ZNF543: variants seen among roughly 807,000 people sequenced by gnomAD.
ZNF543 encodes zinc finger protein 543.
Under a neutral mutation model 13.4 loss-of-function variants are expected in ZNF543, and 10 were observed. The ratio of observed to expected loss-of-function variants is 0.75; its 90% CI spans 0.46 to 1.26. ZNF543 has a LOEUF of 1.26. Among genes scored for constraint, ZNF543 ranks in the 50% most tolerant of loss-of-function variants. The pLI is 0.00. For synonymous variants in ZNF543, 272 were observed against 264.7 expected, an observed-to-expected ratio of 1.03 and a Z score of -0.27; for missense variants, 768 against 741.2, an observed-to-expected ratio of 1.04 and a Z score of -0.42.
At chr19:57,322,601 A>G (rs944359058) in intron 1 of ZNF543, among the ~76,000 whole-genome samples, 22 of 152,128 alleles carry the variant, frequency 1.4e-4, no homozygotes, top group African/African-American at 5.1e-4. Flanking sequence ...GTCGGGTTGC[A>G]TGATTAGAAC....
In ZNF543 at chr19:57,328,121, T is replaced by C. The variant is rs1231479652; in HGVS notation, c.659T>C (p.Ile220Thr). ...GCCCTCCTTGTTCAGCATGAACGGA[T>C]TCACACTCAAGTGAAGCCCTATGAA... ...KNALLVQHER[I>T]HTQVKPYECT... Residue 220 changes from isoleucine (I) to threonine (T), a missense_variant, in exon 4 of 4, where the codon ATT becomes ACT. This residue lies in a region of ZNF543 where 677 missense variants were observed against 631.4 expected (regional missense o/e 1.07). Coordinates refer to ENST00000321545, the MANE Select transcript of ZNF543 (RefSeq NM_213598.4). 2.5e-6 allele frequency: 4 copies of C among 1,614,216 alleles called. No homozygotes were observed. Among genetic ancestry groups the C allele is most frequent in the Non-Finnish European group, 3.4e-6 (4 of 1,180,026 alleles).
At position 57,328,862 on chromosome 19, in the gene ZNF543, T is replaced by A. The variant is rs766815619; in HGVS notation, c.1400T>A (p.Ile467Asn). The A allele has an allele frequency of 3.1e-6, 5 of 1,613,810 alleles. No homozygotes were observed. The highest frequency in any genetic ancestry group is 4.2e-6 in the Non-Finnish European group (5 of 1,179,966). ...GKAFSDRADL[I>N]RHFSIHTGEK... Reference sequence around the variant, plus strand: ...GCCTTTAGTGATAGGGCAGACCTCATTCGCCACTTCAGCATCCACACTGGA... The same window carrying A: ...GCCTTTAGTGATAGGGCAGACCTCAATCGCCACTTCAGCATCCACACTGGA... Residue 467 changes from isoleucine (I) to asparagine (N), a missense_variant, in exon 4 of 4, where the codon ATT (isoleucine) becomes AAT (asparagine). Transcript: ENST00000321545.
intron 2 of ZNF543, 49 bp from the exon 3 acceptor site, chr19:57,326,584 C>A: frequency 6.8e-7 from 1 of 1,470,476 alleles, no homozygotes; most frequent in Non-Finnish European, 9.5e-7. Flanking sequence ...TGACAGGTTT[C>A]TTTCTTCTAA....
In ZNF543 at chr19:57,329,033, G is replaced by A. The variant is rs377306752; in HGVS notation, c.1571G>A (p.Arg524Gln). ...TTTTGCCGGAGCGCAAACCTTATTCGACACTCCATCATTCACACTGGAGAG... is the reference window on the plus strand; with the variant it reads ...TTTTGCCGGAGCGCAAACCTTATTCAACACTCCATCATTCACACTGGAGAG... Reference protein sequence around the residue: ...KAFCRSANLIRHSIIHTGEKP... With the variant: ...KAFCRSANLIQHSIIHTGEKP... Residue 524 changes from arginine (R) to glutamine (Q), a missense_variant, in exon 4 of 4, where the codon CGA (arginine) becomes CAA (glutamine). Arg to Gln is a conservative substitution (Grantham distance 43, BLOSUM62 1). Transcript: ENST00000321545. The A allele has an allele frequency of 7.4e-6, 12 of 1,613,760 alleles. No individual in the cohort carries two copies. Among genetic ancestry groups the A allele is most frequent in the East Asian group, 2.2e-5 (1 of 44,878 alleles).
At chr19:57,327,132 G>A (rs1412622231) in intron 3 of ZNF543, among the ~76,000 whole-genome samples, 1 of 152,006 alleles carries the variant, frequency 6.6e-6, no homozygotes, top group Admixed American at 6.5e-5. Flanking sequence ...GTTCGAAAAT[G>A]CTGAGCCACC....
In ZNF543 at chr19:57,329,547, C is replaced by G. The variant is rs1380123886; in HGVS notation, c.*282C>G. The G allele has an allele frequency of 1.1e-5, 3 of 269,988 alleles. No homozygotes were observed. The East Asian group carries it at 2.4e-4, about 21-fold the overall frequency. The allele number at this position is 269,988 out of a possible 1,614,324, so 16.7% of individuals were successfully genotyped here. ...TTTTTTTTTGAGACGGAGTCTCGCT[C>G]TGTCGCCCAGGCTGGAGTGCAGTGG... On this transcript the variant is annotated 3_prime_UTR_variant, in exon 4 of 4. Transcript: ENST00000321545.
intron 1 of ZNF543, 180 bp from the exon 2 acceptor site, chr19:57,323,501 GT>G: frequency 1.2e-6 from 1 of 800,808 alleles, no homozygotes. Context: ...CGACACTGCT[GT>G]AATTTATCCA....
At chr19:57,326,599 A>C (rs1191677223) in intron 2 of ZNF543, 34 bp from the exon 3 acceptor site, 2 of 1,553,692 alleles carry the variant, frequency 1.3e-6, no homozygotes, top group East Asian at 2.2e-5. Context: ...TTCTAACCTA[A>C]CTCCCTGTGT....
At position 57,327,794 on chromosome 19, in the gene ZNF543, G is replaced by T. The variant is rs1023980894; in HGVS notation, c.332G>T (p.Gly111Val). Residue 111 changes from glycine (G) to valine (V), a missense_variant, in exon 4 of 4, where the codon GGA becomes GTA. Around this residue, in one of 3 missense-constraint regions of ZNF543, gnomAD observed 677 missense variants for 631.4 expected, o/e 1.07. Transcript: ENST00000321545. ...EVLLQEQLTQ[G>V]ASKNSQLGQS... ...TTACTCCAGGAACAACTGACACAAG[G>T]AGCCTCAAAGAACTCCCAATTAGGG... 6.2e-7 allele frequency: 1 copy of T among 1,614,076 alleles called. No homozygotes were observed. Among genetic ancestry groups the T allele is most frequent in the Non-Finnish European group, 8.5e-7 (1 of 1,180,018 alleles).
Position 57,329,712 on chromosome 19 carries a change from C to T in ZNF543, c.*447C>T, listed in dbSNP as rs1339256724. 1 of 157,466 alleles carries T rather than the reference C, an allele frequency of 6.4e-6. No homozygotes were observed. Among genetic ancestry groups the T allele is most frequent in the African/African-American group, 2.4e-5 (1 of 41,524 alleles). 9.8% of individuals were successfully genotyped at this position (157,466 alleles called of 1,614,324 possible). A position where few individuals can be genotyped will look rare whatever the true frequency, so the allele number is the denominator to read the frequency against. On this transcript the variant is annotated 3_prime_UTR_variant, in exon 4 of 4. Coordinates refer to ENST00000321545, the MANE Select transcript of ZNF543 (RefSeq NM_213598.4). ...TATTTTTAGTAGAGACGGGGTTTCA[C>T]CGTTTTAGCCGGGATGGTCTCGATC...
At position 57,330,382 on chromosome 19, in the gene ZNF543, C is replaced by G. The variant is rs1356645107; in HGVS notation, c.*1117C>G. The G allele has an allele frequency of 1.3e-5, 2 of 151,478 alleles. No individual in the cohort carries two copies. Among genetic ancestry groups the G allele is most frequent in the Non-Finnish European group, 2.9e-5 (2 of 67,956 alleles). 9.4% of individuals were successfully genotyped at this position (151,478 alleles called of 1,614,324 possible). A position where few individuals can be genotyped will look rare whatever the true frequency, so the allele number is the denominator to read the frequency against. On this transcript the variant is annotated 3_prime_UTR_variant, in exon 4 of 4. Transcript: ENST00000321545. ...GATTGTGGTTTCTCAGCTTCTTTAC[C>G]TCTCCTTTGAGTTAGGTCCACCTCA...
chr19:57,326,090 G>A (rs2088118814), intron 2 of ZNF543, among the ~76,000 whole-genome samples: 1 of 152,198 alleles, frequency 6.6e-6, no homozygotes, highest in Non-Finnish European at 1.5e-5. Flanking sequence ...TCTTAACAGG[G>A]TTGAGATTTT....
intron 1 of ZNF543, among the ~76,000 whole-genome samples, chr19:57,321,407 C>T (rs1029115366): frequency 6.6e-6 from 1 of 152,214 alleles, no homozygotes; most frequent in Non-Finnish European, 1.5e-5. Context: ...CGCACTTGCC[C>T]ATTTTTGGCA....
Position 57,329,115 on chromosome 19 carries a change from A to ACAT in ZNF543, c.1659_1661dup (p.His553dup). 6.2e-7 allele frequency: 1 copy of ACAT among 1,614,240 alleles called. No homozygotes were observed. The highest frequency in any genetic ancestry group is 8.5e-7 in the Non-Finnish European group (1 of 1,180,046). On this transcript the variant is annotated inframe_insertion, in exon 4 of 4. Coordinates refer to ENST00000321545, the MANE Select transcript of ZNF543 (RefSeq NM_213598.4). ...CTTTTAATCGCGGCTCATCCCTCAC[A>ACAT]CATCATCAAAGGATTCATACTGGGA...
At position 57,330,371 on chromosome 19, in the gene ZNF543, A is replaced by G. The variant is rs956740693; in HGVS notation, c.*1106A>G. 6.6e-6 allele frequency: 1 copy of G among 151,514 alleles called. No individual in the cohort carries two copies. The highest frequency in any genetic ancestry group is 1.5e-5 in the Non-Finnish European group (1 of 67,978). 9.4% of individuals were successfully genotyped at this position (151,514 alleles called of 1,614,324 possible). On this transcript the variant is annotated 3_prime_UTR_variant, in exon 4 of 4. Transcript: ENST00000321545. ...TTTTTTCCTATGATTGTGGTTTCTC[A>G]GCTTCTTTACCTCTCCTTTGAGTTA...
Position 57,320,622 on chromosome 19 carries a change from C to A in ZNF543, c.-232C>A. On this transcript the variant is annotated 5_prime_UTR_variant, in exon 1 of 4. Coordinates refer to ENST00000321545, the MANE Select transcript of ZNF543 (RefSeq NM_213598.4). ...ATCTTGGCGGGAGCCTGACGCCCCGCTTCTTCCCTAACGGGGTGTTCCACC... is the reference window on the plus strand; with the variant it reads ...ATCTTGGCGGGAGCCTGACGCCCCGATTCTTCCCTAACGGGGTGTTCCACC... 1 of 545,482 alleles carries A rather than the reference C, an allele frequency of 1.8e-6. No individual in the cohort carries two copies. The highest frequency in any genetic ancestry group is 3.4e-5 in the Admixed American group (1 of 29,342). 33.8% of individuals were successfully genotyped at this position (545,482 alleles called of 1,614,324 possible). A position where few individuals can be genotyped will look rare whatever the true frequency, so the allele number is the denominator to read the frequency against.
intron 2 of ZNF543, 22 bp from the exon 3 acceptor site, chr19:57,326,611 C>G (rs2088122254): frequency 1.3e-6 from 2 of 1,593,904 alleles, no homozygotes; most frequent in East Asian, 4.5e-5. Flanking sequence ...TCCCTGTGTC[C>G]TCTTTTGTTC....
intron 3 of ZNF543, 81 bp from the exon 4 acceptor site, chr19:57,327,623 G>A (rs374899372): frequency 1.9e-5 from 29 of 1,505,776 alleles, no homozygotes; most frequent in Admixed American, 4.5e-5. Context: ...GGGATTACAG[G>A]TATGAATCAC....
At chr19:57,323,087 C>CA (rs1422591399) in intron 1 of ZNF543, among the ~76,000 whole-genome samples, 8 of 152,054 alleles carry the variant, frequency 5.3e-5, no homozygotes, top group African/African-American at 1.9e-4. Flanking sequence ...TCTGATGTCT[C>CA]AGAGCACTTA....
Sources: allele counts gnomAD v4.1 joint callset (sites outside exome capture counted in the v4.1 genomes callset), GRCh38; gene constraint gnomAD v4.1.1; regional missense constraint gnomAD v4.1.1; transcripts MANE v1.5; gene names NCBI Gene and HGNC (gene_info 2026-07-23, HGNC 2026-07-21).